Variants in DTNB observed in about 807,000 individuals in gnomAD.
DTNB encodes DTN-B.
In DTNB, 63 loss-of-function variants were observed where a neutral mutation model predicts 90.7. The observed-to-expected ratio is 0.69, with a 90% confidence interval of 0.57 to 0.86. The LOEUF is 0.86. Among genes scored for constraint, DTNB ranks in the 40% least tolerant of loss-of-function variants. The pLI is 0.00. For synonymous variants in DTNB, 277 were observed against 286.7 expected (o/e 0.97, Z 0.34); for missense variants, 744 against 807.1 (o/e 0.92, Z 0.95).
At chr2:25,555,797 C>A (rs1409528975) in intron 8 of DTNB, among the ~76,000 whole-genome samples, 1 of 152,106 alleles carries the variant, frequency 6.6e-6, no homozygotes, top group Admixed American at 6.5e-5. Flanking sequence ...AGGTGGATCA[C>A]CTGAGATCAG....
rs145899618 is a variant in DTNB, at chr2:25,524,559, C to A, written c.1001+6914G>T. ...TGTAGAACAAGTTACTACAGCTGAC[C>A]AGTATCTGGTTCTCCTCTCCTCCCT... On this transcript the variant is annotated intron_variant, in intron 9 of 20. Transcript: ENST00000406818. Among the ~76,000 whole-genome samples the A allele has an allele frequency of 2.1e-3, 314 of 152,032 alleles. 2 individuals carry two copies. The highest frequency in any genetic ancestry group is 7.3e-3 in the African/African-American group (302 of 41,434).
At chr2:25,451,660 A>G in intron 11 of DTNB, 25 bp from the exon 12 acceptor site, 1 of 1,549,968 alleles carries the variant, frequency 6.5e-7, no homozygotes, top group South Asian at 1.2e-5. Context: ...AAAATGCAAC[A>G]AGTGTCTATT....
chr2:25,551,918 G>A (rs1292340029), intron 8 of DTNB, among the ~76,000 whole-genome samples: 1 of 152,096 alleles, frequency 6.6e-6, no homozygotes, highest in Non-Finnish European at 1.5e-5. Context: ...CTAGCTTCCA[G>A]CTCACAAATT....
At chr2:25,378,864 G>C (rs1290683145) in intron 20 of DTNB, among the ~76,000 whole-genome samples, 1 of 152,208 alleles carries the variant, frequency 6.6e-6, no homozygotes, top group Non-Finnish European at 1.5e-5. Context: ...GTGATTCGGT[G>C]CAGTGCTGGG....
At chr2:25,444,538 A>G (rs1398348242) in intron 12 of DTNB, among the ~76,000 whole-genome samples, 1 of 146,096 alleles carries the variant, frequency 6.8e-6, no homozygotes, top group Non-Finnish European at 1.5e-5. Context: ...CCATCTCAAA[A>G]AAAAAAAAAA....
At chr2:25,442,954 T>C (rs1335756130) in intron 12 of DTNB, among the ~76,000 whole-genome samples, 1 of 152,230 alleles carries the variant, frequency 6.6e-6, no homozygotes, top group Non-Finnish European at 1.5e-5. Flanking sequence ...GTAGCTGTTA[T>C]TTCTCATTCT....
At chr2:25,597,443 A>C (rs1303647076) in intron 5 of DTNB, among the ~76,000 whole-genome samples, 1 of 152,304 alleles carries the variant, frequency 6.6e-6, no homozygotes, top group East Asian at 1.9e-4. Flanking sequence ...ACATACATGC[A>C]TTACTTTTTG....
At chr2:25,588,521 C>T (rs956660027) in intron 6 of DTNB, among the ~76,000 whole-genome samples, 1 of 152,136 alleles carries the variant, frequency 6.6e-6, no homozygotes, top group African/African-American at 2.4e-5. Context: ...GCACGCACCA[C>T]GCGCAGCTAA....
intron 9 of DTNB, among the ~76,000 whole-genome samples, chr2:25,520,789 A>C (rs954179803): frequency 1.3e-5 from 2 of 152,274 alleles, no homozygotes; most frequent in Non-Finnish European, 2.9e-5. Flanking sequence ...AGTAATGTAT[A>C]CACAGAGTCT....
chr2:25,529,349 C>T (rs957326675), intron 9 of DTNB, among the ~76,000 whole-genome samples: 2 of 152,076 alleles, frequency 1.3e-5, no homozygotes, highest in Non-Finnish European at 2.9e-5. Context: ...TTCTACATCA[C>T]ATCACACACA....
chr2:25,614,664 T>C (rs968851078), intron 4 of DTNB, among the ~76,000 whole-genome samples: 2 of 152,224 alleles, frequency 1.3e-5, no homozygotes, highest in African/African-American at 4.8e-5. Flanking sequence ...ACTATGTTCA[T>C]AAAATGGAAG....
At position 25,597,836 on chromosome 2, in the gene DTNB, A is replaced by C. The variant is rs112559100; in HGVS notation, c.449-1596T>G. On this transcript the variant is annotated intron_variant, in intron 5 of 20. Coordinates refer to ENST00000406818, the MANE Select transcript of DTNB (RefSeq NM_021907.5). ...TGACAAATGGTCCTTATCCCCCAAG[A>C]AACTTTCAATGTAGCTGGAAAAATA... 6.4e-3 allele frequency among the ~76,000 whole-genome samples: 978 copies of C among 152,348 alleles called. 9 individuals carry two copies. The highest frequency in any genetic ancestry group is 0.022 in the African/African-American group (923 of 41,580).
At chr2:25,629,492 A>C (rs546973755) in intron 3 of DTNB, among the ~76,000 whole-genome samples, 1 of 152,322 alleles carries the variant, frequency 6.6e-6, no homozygotes, top group East Asian at 1.9e-4. Flanking sequence ...ACAAATTCAC[A>C]ATTTTTTAAA....
intron 18 of DTNB, among the ~76,000 whole-genome samples, chr2:25,386,628 TTC>T (rs1461214309): frequency 6.6e-6 from 1 of 152,180 alleles, no homozygotes; most frequent in Non-Finnish European, 1.5e-5. Context: ...GCCTTTTATT[TTC>T]TCTCTCTTTC....
chr2:25,481,997 G>A (rs771650228), intron 10 of DTNB, among the ~76,000 whole-genome samples: 7 of 152,132 alleles, frequency 4.6e-5, no homozygotes, highest in Non-Finnish European at 7.3e-5. Context: ...CAAAGCAATC[G>A]GTACATATGG....
chr2:25,579,212 C>T (rs981552421), intron 7 of DTNB, among the ~76,000 whole-genome samples: 8 of 152,170 alleles, frequency 5.3e-5, no homozygotes, highest in Admixed American at 1.3e-4. Context: ...GCTATAAAAG[C>T]ATTGCTCTCC....
rs58871909 is a variant in DTNB, at chr2:25,503,053, C to CAAAAAA, written c.1002-20186_1002-20181dup. ...AGAGTGACAGAGCAAGACCCTATCT[C>CAAAAAA]AAAAAAAAAAAAAAAAAAAAAAAAA... On this transcript the variant is annotated intron_variant, in intron 9 of 20. Coordinates refer to ENST00000406818, the MANE Select transcript of DTNB (RefSeq NM_021907.5). 5.9e-4 allele frequency among the ~76,000 whole-genome samples: 9 copies of CAAAAAA among 15,356 alleles called. 4 individuals are homozygous for CAAAAAA. Among genetic ancestry groups the CAAAAAA allele is most frequent in the Non-Finnish European group, 9.4e-4 (7 of 7,478 alleles). 10.1% of individuals were successfully genotyped at this position (15,356 alleles called of 152,430 possible).
chr2:25,633,578 G>A (rs1280632668), intron 3 of DTNB, among the ~76,000 whole-genome samples: 5 of 151,970 alleles, frequency 3.3e-5, no homozygotes, highest in Non-Finnish European at 7.4e-5. Context: ...CCTCTGCCCG[G>A]CCGCCACCCC....
At chr2:25,430,716 G>A (rs1296094853) in intron 14 of DTNB, among the ~76,000 whole-genome samples, 6 of 152,226 alleles carry the variant, frequency 3.9e-5, no homozygotes, top group Admixed American at 1.3e-4. Flanking sequence ...CAGTGGGGAA[G>A]GTGGAGGCAA....
Sources: gnomAD v4.1 joint callset for allele counts (sites outside exome capture counted in the v4.1 genomes callset) on GRCh38, gnomAD v4.1.1 for gene constraint, MANE v1.5 for transcripts, NCBI Gene and HGNC (gene_info 2026-07-23, HGNC 2026-07-21) for gene names.